Variants in GFRA2 observed in about 807,000 individuals in gnomAD.
The protein encoded by GFRA2 is GDNF family receptor alpha-2.
A neutral mutation model predicts 48.3 loss-of-function variants in GFRA2; 17 were observed. The ratio of observed to expected loss-of-function variants is 0.35; its 90% CI spans 0.24 to 0.53. The LOEUF (loss-of-function observed/expected upper bound fraction) is 0.53, where lower values mean the gene tolerates loss of function less well. GFRA2 is among the 20% of genes least tolerant of loss of function. The pLI, the probability that GFRA2 is intolerant of heterozygous loss-of-function variation, is 0.93. For missense variants in GFRA2, 660 were observed against 637.3 expected (o/e 1.04, Z -0.38); for synonymous variants, 305 against 257.2 (o/e 1.19, Z -1.78).
chr8:21,740,462 T>C (rs1302180327), intron 4 of GFRA2, among the ~76,000 whole-genome samples: 4 of 152,212 alleles, frequency 2.6e-5, no homozygotes, highest in African/African-American at 7.2e-5. Flanking sequence ...CCAAATCCAA[T>C]GGTGACCCAG....
intron 2 of GFRA2, among the ~76,000 whole-genome samples, chr8:21,797,258 C>CCTTT (rs775593631): frequency 3.4e-5 from 5 of 148,758 alleles, no homozygotes; most frequent in African/African-American, 5.0e-5. Context: ...AATTGAGTGG[C>CCTTT]CTTTCTTTCT....
chr8:21,729,958 G>C (rs1206917408), intron 4 of GFRA2, among the ~76,000 whole-genome samples: 1 of 152,190 alleles, frequency 6.6e-6, no homozygotes, highest in East Asian at 1.9e-4. Context: ...CCTGGAATTA[G>C]AGAGGCAGAG....
chr8:21,794,943 C>G (rs899239080), intron 2 of GFRA2, among the ~76,000 whole-genome samples: 21 of 152,354 alleles, frequency 1.4e-4, no homozygotes, highest in African/African-American at 4.6e-4. Flanking sequence ...ATTGATTTCT[C>G]TAATTGATTT....
chr8:21,718,353 T>C (rs1054901560), intron 4 of GFRA2, among the ~76,000 whole-genome samples: 5 of 152,256 alleles, frequency 3.3e-5, no homozygotes, highest in East Asian at 1.9e-4. Flanking sequence ...CCCAGCCATA[T>C]GGAACCGTAA....
chr8:21,701,371 G>C (rs912502460), intron 7 of GFRA2, among the ~76,000 whole-genome samples: 16 of 152,204 alleles, frequency 1.1e-4, no homozygotes, highest in Non-Finnish European at 2.9e-5. Flanking sequence ...TCCAGCCTGG[G>C]CGAGACTGCG....
intron 4 of GFRA2, among the ~76,000 whole-genome samples, chr8:21,749,048 C>G (rs1381667363): frequency 6.6e-6 from 1 of 152,226 alleles, no homozygotes; most frequent in Admixed American, 6.5e-5. Flanking sequence ...GAGCCCACAG[C>G]CTCATCCCAC....
intron 1 of GFRA2, chr8:21,784,263 T>C (rs1807157897): frequency 6.6e-6 from 3 of 455,798 alleles, no homozygotes; most frequent in Middle Eastern, 3.2e-4. Flanking sequence ...CCCCCTGTCC[T>C]CTGATAAGCC....
chr8:21,787,852 G>T (rs748944499), intron 1 of GFRA2, among the ~76,000 whole-genome samples: 287 of 152,280 alleles, frequency 1.9e-3, no homozygotes, highest in Non-Finnish European at 2.6e-3. Flanking sequence ...GAGCGCGGGT[G>T]TGTGTGTGCG....
upstream of GFRA2, among the ~76,000 whole-genome samples, chr8:21,791,303 G>A (rs1252209178): frequency 6.6e-6 from 1 of 152,114 alleles, no homozygotes; most frequent in Non-Finnish European, 1.5e-5. Context: ...CAGGAGGTAA[G>A]TGGCCCTTCT....
chr8:21,740,202 C>T (rs747158144), intron 4 of GFRA2, among the ~76,000 whole-genome samples: 9 of 152,172 alleles, frequency 5.9e-5, no homozygotes, highest in Non-Finnish European at 1.2e-4. Context: ...CTGCCTTCCT[C>T]GACCTCACTC....
At chr8:21,778,562 T>C (rs1252023069) in intron 2 of GFRA2, among the ~76,000 whole-genome samples, 3 of 152,190 alleles carry the variant, frequency 2.0e-5, no homozygotes, top group Non-Finnish European at 2.9e-5. Flanking sequence ...TAACAAATGG[T>C]TGTTGAATAA....
chr8:21,722,988 C>G (rs942582066), intron 4 of GFRA2, among the ~76,000 whole-genome samples: 4 of 152,176 alleles, frequency 2.6e-5, no homozygotes, highest in African/African-American at 9.7e-5. Context: ...CCACTCAGGC[C>G]AGGGAGAGGA....
At chr8:21,806,970 TC>T (rs1300216840) in intron 1 of GFRA2, among the ~76,000 whole-genome samples, 1 of 152,156 alleles carries the variant, frequency 6.6e-6, no homozygotes, top group African/African-American at 2.4e-5. Context: ...ACTTCAAGCT[TC>T]CTAAAAACAG....
intron 4 of GFRA2, among the ~76,000 whole-genome samples, chr8:21,713,214 T>G (rs889553998): frequency 3.3e-5 from 5 of 152,148 alleles, no homozygotes; most frequent in Admixed American, 6.5e-5. Flanking sequence ...GTTTTTGAGA[T>G]GGACTCTTTC....
intron 4 of GFRA2, among the ~76,000 whole-genome samples, chr8:21,726,320 G>A (rs1191041718): frequency 6.6e-6 from 1 of 152,232 alleles, no homozygotes; most frequent in Non-Finnish European, 1.5e-5. Flanking sequence ...ACCCACCTTA[G>A]GGATCACAGC....
chr8:21,800,449 G>T (rs1040573884), intron 2 of GFRA2, among the ~76,000 whole-genome samples: 1 of 152,214 alleles, frequency 6.6e-6, no homozygotes, highest in African/African-American at 2.4e-5. Context: ...GATGCAATGC[G>T]TTAGGCATCA....
intron 4 of GFRA2, among the ~76,000 whole-genome samples, chr8:21,714,704 G>A (rs1171450817): frequency 6.6e-6 from 1 of 152,106 alleles, no homozygotes; most frequent in African/African-American, 2.4e-5. Context: ...ACAATCCCAC[G>A]AAGTAGCATA....
At chr8:21,731,867 G>T (rs112510005) in intron 4 of GFRA2, among the ~76,000 whole-genome samples, 6,529 of 152,254 alleles carry the variant, frequency 0.043, 344 homozygotes, top group African/African-American at 0.13. Flanking sequence ...TAACATGGGG[G>T]CCAACAGTTC....
chr8:21,747,269 G>A (rs116638433), intron 4 of GFRA2, among the ~76,000 whole-genome samples: 1,730 of 152,240 alleles, frequency 0.011, 31 homozygotes, highest in African/African-American at 0.039. Context: ...CTGTTTGGGG[G>A]AGTTATTTGG....
Sources: allele counts gnomAD v4.1 joint callset (sites outside exome capture counted in the v4.1 genomes callset), GRCh38; gene constraint gnomAD v4.1.1; transcripts MANE v1.5; gene names NCBI Gene and HGNC (gene_info 2026-07-23, HGNC 2026-07-21).